Variants in PTPRM observed in about 807,000 individuals in gnomAD.
PTPRM encodes the protein protein tyrosine phosphatase receptor type M.
PTPRM carries 47 observed loss-of-function variants against 186.7 expected under a neutral mutation model. The observed-to-expected ratio is 0.25, with a 90% CI of 0.20 to 0.32. The LOEUF is 0.32. Ranked by LOEUF, PTPRM falls within the 10% of genes least tolerant of loss-of-function variation. The probability of loss-of-function intolerance (pLI) is 1.00; values close to 1 mark genes in which losing one functional copy is unlikely to be tolerated. For missense variants in PTPRM, 1,494 were observed against 1,865.0 expected (o/e 0.80, Z 3.66); for synonymous variants, 668 against 674.9 (o/e 0.99, Z 0.16).
At chr18:7,571,429 A>G (rs1366622658) in intron 1 of PTPRM, among the ~76,000 whole-genome samples, 1 of 152,240 alleles carries the variant, frequency 6.6e-6, no homozygotes, top group African/African-American at 2.4e-5. Flanking sequence ...TGAGAAACCA[A>G]CGAGTTGGCA....
chr18:7,990,334 TG>T (rs1423456432), intron 7 of PTPRM, among the ~76,000 whole-genome samples: 1 of 152,200 alleles, frequency 6.6e-6, no homozygotes, highest in Non-Finnish European at 1.5e-5. Flanking sequence ...GCGCTAAGTG[TG>T]TTCTGTGGTT....
chr18:7,981,186 C>T (rs1208005278), intron 7 of PTPRM, among the ~76,000 whole-genome samples: 2 of 152,144 alleles, frequency 1.3e-5, no homozygotes, highest in Non-Finnish European at 2.9e-5. Context: ...ACCCCACCTT[C>T]ACTCTCTACT....
intron 7 of PTPRM, among the ~76,000 whole-genome samples, chr18:8,024,401 T>A (rs1366250487): frequency 6.6e-6 from 1 of 152,208 alleles, no homozygotes; most frequent in Admixed American, 6.5e-5. Context: ...TGTGGGTGTT[T>A]CTGTCAAAGA....
intron 1 of PTPRM, among the ~76,000 whole-genome samples, chr18:7,740,451 C>T (rs772712566): frequency 6.6e-6 from 1 of 152,118 alleles, no homozygotes; most frequent in African/African-American, 2.4e-5. Flanking sequence ...GATGGGATCT[C>T]GCTCTGTCAC....
intron 2 of PTPRM, among the ~76,000 whole-genome samples, chr18:7,858,955 A>G (rs906179010): frequency 6.6e-6 from 1 of 152,234 alleles, no homozygotes; most frequent in African/African-American, 2.4e-5. Flanking sequence ...TAATTATATG[A>G]GTGTCTAAAA....
chr18:7,867,981 T>C (rs1339471185), intron 2 of PTPRM, among the ~76,000 whole-genome samples: 1 of 152,212 alleles, frequency 6.6e-6, no homozygotes, highest in African/African-American at 2.4e-5. Flanking sequence ...TTCCGCTTGA[T>C]TGATTTGGCT....
intron 7 of PTPRM, among the ~76,000 whole-genome samples, chr18:7,983,266 T>G (rs535061263): frequency 6.6e-6 from 1 of 151,938 alleles, no homozygotes; most frequent in African/African-American, 2.4e-5. Flanking sequence ...GAACTGTGCA[T>G]GCGAGGGATC....
At chr18:8,153,690 C>T (rs868287315) in intron 14 of PTPRM, among the ~76,000 whole-genome samples, 1 of 152,104 alleles carries the variant, frequency 6.6e-6, no homozygotes, top group Non-Finnish European at 1.5e-5. Context: ...GGACTTTTTA[C>T]CAAATTTCAA....
At chr18:7,866,073 CT>C (rs1369215803) in intron 2 of PTPRM, among the ~76,000 whole-genome samples, 2 of 152,088 alleles carry the variant, frequency 1.3e-5, no homozygotes, top group Non-Finnish European at 1.5e-5. Flanking sequence ...ATTCTTCTCT[CT>C]TTTCTCCTTC....
intron 7 of PTPRM, among the ~76,000 whole-genome samples, chr18:8,023,264 A>G (rs1600120477): frequency 6.6e-6 from 1 of 152,266 alleles, no homozygotes; most frequent in East Asian, 1.9e-4. Context: ...GAAAGAGACT[A>G]AAAGTTCAGT....
At chr18:7,908,124 C>T (rs183780602) in intron 4 of PTPRM, among the ~76,000 whole-genome samples, 28 of 152,208 alleles carry the variant, frequency 1.8e-4, no homozygotes, top group East Asian at 5.8e-4. Flanking sequence ...AGTGCAGAGA[C>T]GTTCTTAGTT....
intron 1 of PTPRM, among the ~76,000 whole-genome samples, chr18:7,622,729 G>C (rs9967068): frequency 0.063 from 9,520 of 152,176 alleles, 1,014 homozygotes; most frequent in African/African-American, 0.22. Flanking sequence ...GCTGAAGTCA[G>C]TTTCAGCATC....
chr18:7,596,939 C>T (rs972173069), intron 1 of PTPRM, among the ~76,000 whole-genome samples: 1 of 151,966 alleles, frequency 6.6e-6, no homozygotes, highest in Non-Finnish European at 1.5e-5. Flanking sequence ...CTGCAACCTC[C>T]GCCTCCCAGG....
intron 1 of PTPRM, among the ~76,000 whole-genome samples, chr18:7,764,818 GGC>G (rs1315613978): frequency 6.6e-6 from 1 of 152,142 alleles, no homozygotes; most frequent in Non-Finnish European, 1.5e-5. Flanking sequence ...AGACATTTCT[GGC>G]AGCTGTTTCA....
At chr18:8,023,877 C>A (rs550535881) in intron 7 of PTPRM, among the ~76,000 whole-genome samples, 1 of 151,812 alleles carries the variant, frequency 6.6e-6, no homozygotes, top group South Asian at 2.1e-4. Context: ...CACACGCACA[C>A]CCCTCCTATG....
chr18:8,094,265 C>G (rs569880947), intron 11 of PTPRM, among the ~76,000 whole-genome samples: 5 of 151,630 alleles, frequency 3.3e-5, no homozygotes, highest in African/African-American at 4.9e-5. Context: ...CCTAACACTT[C>G]GGGAGGCCAA....
chr18:7,889,580 C>G (rs2048965251), intron 3 of PTPRM, among the ~76,000 whole-genome samples: 2 of 152,020 alleles, frequency 1.3e-5, no homozygotes. Flanking sequence ...CGCAGGTGAT[C>G]CTGCCACCCT....
intron 19 of PTPRM, among the ~76,000 whole-genome samples, chr18:8,274,828 A>T (rs1415128827): frequency 6.6e-6 from 1 of 152,136 alleles, no homozygotes; most frequent in East Asian, 1.9e-4. Flanking sequence ...CCTTGTCAAG[A>T]GCTTGCATGC....
rs2083393586 is a variant in PTPRM, at chr18:7,993,878, A to G, written c.1132+38464A>G. On this transcript the variant is annotated intron_variant, in intron 7 of 32. Coordinates refer to ENST00000580170, the MANE Select transcript of PTPRM (RefSeq NM_001105244.2). ...GAAAGCTACCAAATCTCAAAGATAA[A>G]CATCAGAGAGGAAGAAATGAATAAA... 3.3e-5 allele frequency among the ~76,000 whole-genome samples: 5 copies of G among 152,144 alleles called. No homozygotes were observed. In the South Asian group the frequency reaches 1.0e-3, roughly 31 times the overall value.
Sources: gnomAD v4.1 joint callset for allele counts (sites outside exome capture counted in the v4.1 genomes callset) on GRCh38, gnomAD v4.1.1 for gene constraint, MANE v1.5 for transcripts, NCBI Gene and HGNC (gene_info 2026-07-23, HGNC 2026-07-21) for gene names.